Variants in CAB39 observed in about 807,000 individuals in gnomAD.
The protein encoded by CAB39 is calcium-binding protein 39.
CAB39 carries 8 observed loss-of-function variants against 40.0 expected under a neutral mutation model. The observed-to-expected ratio is 0.20, with a 90% CI of 0.12 to 0.36. The LOEUF (loss-of-function observed/expected upper bound fraction) is 0.36. CAB39 is among the 10% of genes least tolerant of loss of function. The pLI is 1.00. For missense variants in CAB39, 270 were observed against 401.1 expected (o/e 0.67, Z 2.79); for synonymous variants, 156 against 141.6 (o/e 1.10, Z -0.72).
intron 5 of CAB39, among the ~76,000 whole-genome samples, chr2:230,802,226 A>G (rs1696102712): frequency 6.6e-6 from 1 of 152,266 alleles, no homozygotes. Context: ...GAGAACAAAG[A>G]CACAACCTAC....
chr2:230,792,611 T>G (rs1695910742), intron 3 of CAB39, among the ~76,000 whole-genome samples: 1 of 152,234 alleles, frequency 6.6e-6, no homozygotes, highest in Non-Finnish European at 1.5e-5. Flanking sequence ...AGTAGTGTAA[T>G]GAAGTTCTGA....
intron 1 of CAB39, chr2:230,752,312 A>C (rs1243836297): frequency 6.6e-6 from 1 of 152,124 alleles, no homozygotes; most frequent in Admixed American, 6.5e-5. Context: ...ATCTCACACA[A>C]CATCTCTGTC....
chr2:230,745,639 A>T (rs1694959694), intron 1 of CAB39, among the ~76,000 whole-genome samples: 1 of 151,636 alleles, frequency 6.6e-6, no homozygotes, highest in East Asian at 1.9e-4. Context: ...TTTGCAGGGG[A>T]GGCGGGGCCA....
intron 1 of CAB39, among the ~76,000 whole-genome samples, chr2:230,753,393 G>GTC (rs1695123323): frequency 6.6e-6 from 1 of 152,156 alleles, no homozygotes; most frequent in African/African-American, 2.4e-5. Context: ...TCCTGTCACT[G>GTC]TCTGGCTTTG....
In CAB39 at chr2:230,812,676, A is replaced by T. The variant is rs565580868; in HGVS notation, c.628-1373A>T. ...TCTGAAAAGAGAGAAATCTAACTCA[A>T]ATACATACCAAATAGATGGCCAGCT... On this transcript the variant is annotated intron_variant, in intron 6 of 8. Transcript: ENST00000258418. 3.3e-4 allele frequency among the ~76,000 whole-genome samples: 50 copies of T among 152,344 alleles called. No individual in the cohort carries two copies. The South Asian group carries it at 1.0e-2, about 30-fold the overall frequency.
intron 1 of CAB39, among the ~76,000 whole-genome samples, chr2:230,752,643 G>T (rs1189791038): frequency 2.0e-5 from 3 of 152,178 alleles, no homozygotes; most frequent in Non-Finnish European, 4.4e-5. Context: ...CCAACCCATG[G>T]ATTTTAAGGT....
chr2:230,778,178 T>A (rs1695627172), intron 2 of CAB39, among the ~76,000 whole-genome samples: 1 of 152,226 alleles, frequency 6.6e-6, no homozygotes, highest in Admixed American at 6.5e-5. Context: ...TTAGAATTGC[T>A]ACTAACTACT....
Position 230,745,003 on chromosome 2 carries a change from T to G in CAB39, c.-43-14956T>G, listed in dbSNP as rs546311057. Among the ~76,000 whole-genome samples the G allele has an allele frequency of 1.3e-4, 20 of 152,378 alleles. No individual in the cohort carries two copies. In the South Asian group the frequency reaches 4.1e-3, roughly 32 times the overall value. On this transcript the variant is annotated intron_variant, in intron 1 of 8. Coordinates refer to ENST00000258418, the MANE Select transcript of CAB39 (RefSeq NM_016289.4). Reference sequence around the variant, plus strand: ...GCATTACAGCATATTTCATAAACATTCATAATTTGACATTTCTCATTTACT... The same window carrying G: ...GCATTACAGCATATTTCATAAACATGCATAATTTGACATTTCTCATTTACT...
intron 2 of CAB39, among the ~76,000 whole-genome samples, chr2:230,788,612 A>G (rs779390707): frequency 6.6e-6 from 1 of 152,170 alleles, no homozygotes; most frequent in Non-Finnish European, 1.5e-5. Context: ...AAATATTTCT[A>G]CTTTTCTGTG....
At chr2:230,743,916 C>CTTTTT (rs1184035557) in intron 1 of CAB39, among the ~76,000 whole-genome samples, 2 of 127,702 alleles carry the variant, frequency 1.6e-5, no homozygotes, top group East Asian at 2.2e-4. Flanking sequence ...ATACATGATA[C>CTTTTT]TTTTTTTTTT....
At chr2:230,741,346 TGC>T (rs1694873472) in intron 1 of CAB39, among the ~76,000 whole-genome samples, 1 of 152,236 alleles carries the variant, frequency 6.6e-6, no homozygotes, top group Non-Finnish European at 1.5e-5. Context: ...CAATCCTGGA[TGC>T]CTCCATGCTT....
chr2:230,749,806 A>C (rs1695054600), intron 1 of CAB39, among the ~76,000 whole-genome samples: 1 of 152,212 alleles, frequency 6.6e-6, no homozygotes, highest in Admixed American at 6.5e-5. Context: ...ATGAGGATAC[A>C]CTCGTAGAAG....
chr2:230,773,146 G>T (rs1695517852), intron 2 of CAB39, among the ~76,000 whole-genome samples: 1 of 152,124 alleles, frequency 6.6e-6, no homozygotes, highest in African/African-American at 2.4e-5. Context: ...ACAGAAAGCA[G>T]ATCAGTGGTT....
chr2:230,768,330 G>GT (rs1321672106), intron 2 of CAB39, among the ~76,000 whole-genome samples: 1 of 152,230 alleles, frequency 6.6e-6, no homozygotes, highest in African/African-American at 2.4e-5. Flanking sequence ...CACAGTAGTA[G>GT]TAAGATAAAT....
intron 1 of CAB39, among the ~76,000 whole-genome samples, chr2:230,748,826 AAAAAAATATATATATATATAT>A (rs1324264413): frequency 4.3e-5 from 3 of 70,578 alleles, no homozygotes; most frequent in African/African-American, 6.5e-5. Context: ...AAAAAAAAAA[AAAAAAATATATATATATATAT>A]ATATATATAT....
intron 1 of CAB39, among the ~76,000 whole-genome samples, chr2:230,727,016 A>G (rs1694585030): frequency 6.6e-6 from 1 of 151,602 alleles, no homozygotes; most frequent in East Asian, 1.9e-4. Context: ...AGGAAGGAAT[A>G]ATAAGAAATA....
intron 1 of CAB39, among the ~76,000 whole-genome samples, chr2:230,735,130 A>G (rs943161712): frequency 1.3e-5 from 2 of 152,056 alleles, no homozygotes; most frequent in Non-Finnish European, 2.9e-5. Flanking sequence ...TAGAATGTGG[A>G]ATCGCAGTTT....
At chr2:230,718,679 A>G (rs772548137) in intron 1 of CAB39, among the ~76,000 whole-genome samples, 1 of 152,156 alleles carries the variant, frequency 6.6e-6, no homozygotes, top group Non-Finnish European at 1.5e-5. Context: ...GCCTAGACAT[A>G]AGTTTTGTGA....
chr2:230,720,119 A>G (rs377037491), intron 1 of CAB39, among the ~76,000 whole-genome samples: 1 of 152,218 alleles, frequency 6.6e-6, no homozygotes. Context: ...CAAGCCTCAC[A>G]TCAGTTTCGT....
Sources: gnomAD v4.1 joint callset for allele counts (sites outside exome capture counted in the v4.1 genomes callset) on GRCh38, gnomAD v4.1.1 for gene constraint, MANE v1.5 for transcripts, NCBI Gene and HGNC (gene_info 2026-07-23, HGNC 2026-07-21) for gene names.